The following KAT2A variants were observed in gnomAD, a reference collection of about 807,000 sequenced individuals.
The protein encoded by KAT2A is lysine acetyltransferase 2A, also known as histone acetyltransferase KAT2A.
KAT2A carries 42 observed loss-of-function variants against 95.2 expected under a neutral mutation model. The observed-to-expected ratio is 0.44, with a 90% CI of 0.34 to 0.57. The LOEUF (loss-of-function observed/expected upper bound fraction) is 0.57, where lower values mean the gene tolerates loss of function less well. Among genes scored for constraint, KAT2A ranks in the 20% least tolerant of loss-of-function variants. The pLI is 0.01. For synonymous variants in KAT2A, 449 were observed against 448.2 expected, an observed-to-expected ratio of 1.00 and a Z score of -0.02; for missense variants, 784 against 1,126.3, an observed-to-expected ratio of 0.70 and a Z score of 4.35.
chr17:42,118,546 T>A (rs2054294603), intron 6 of KAT2A, 143 bp from the exon 7 acceptor site: 1 of 627,218 alleles, frequency 1.6e-6, no homozygotes, highest in Non-Finnish European at 2.9e-6. Flanking sequence ...GCCCCTGTCT[T>A]CTGGGAGCCT....
In KAT2A at chr17:42,115,839, G is replaced by C. The variant is rs782205435; in HGVS notation, c.1765-6C>G. On this transcript the variant is annotated splice_polypyrimidine_tract_variant and splice_region_variant and intron_variant, in intron 11 of 17. Transcript: ENST00000225916. ...ATCAGGTGGGTCCCATAACCCTGCG[G>C]GGGAGGGAAGCAGGACTCACCAGGA... 2 of 1,559,222 alleles carry C rather than the reference G, an allele frequency of 1.3e-6. No individual in the cohort carries two copies. Among genetic ancestry groups the C allele is most frequent in the East Asian group, 4.5e-5 (2 of 44,634 alleles).
At position 42,114,097 on chromosome 17, in the gene KAT2A, G is replaced by C; in HGVS notation, c.2236-13C>G. 6.4e-7 allele frequency: 1 copy of C among 1,554,302 alleles called. No individual in the cohort carries two copies. Among genetic ancestry groups the C allele is most frequent in the South Asian group, 1.2e-5 (1 of 83,982 alleles). On this transcript the variant is annotated splice_polypyrimidine_tract_variant and intron_variant, in intron 16 of 17. Transcript: ENST00000225916. The surrounding 1 kb of genome is among the most constrained non-coding windows in gnomAD (Gnocchi z 6.0). ...CACTGGGGTGAGACTGGAGAGAAGA[G>C]CCGGGCTGGGGACAGCCCTGCTGCG...
Position 42,120,010 on chromosome 17 carries a change from C to G in KAT2A, c.699+20G>C, listed in dbSNP as rs782683610. 6.3e-7 allele frequency: 1 copy of G among 1,599,148 alleles called. No homozygotes were observed. The highest frequency in any genetic ancestry group is 1.3e-5 in the African/African-American group (1 of 74,734). On this transcript the variant is annotated intron_variant, in intron 4 of 17. Coordinates refer to ENST00000225916, the MANE Select transcript of KAT2A (RefSeq NM_021078.3). ...TGTCCCCAATTCTCCTATCCGCTAT[C>G]TCCAATTCCCCTATCTCACCTGCTC...
Position 42,114,263 on chromosome 17 carries a change from C to A in KAT2A, c.2191G>T (p.Asp731Tyr). 6.3e-7 allele frequency: 1 copy of A among 1,595,212 alleles called. No individual in the cohort carries two copies. The highest frequency in any genetic ancestry group is 8.6e-7 in the Non-Finnish European group (1 of 1,169,446). ...KEKGKELKDP[D>Y]QLYTTLKNLL... ...TTTTTGAGGGTTGTGTAGAGCTGGT[C>A]GGGGTCCTTCAGCTCCTTCCTGGGG... The change falls in exon 16 of 18, where the codon GAC becomes TAC. Residue 731 changes from aspartate (D) to tyrosine (Y), a missense_variant. Asp to Tyr is a radical substitution (Grantham distance 160, BLOSUM62 -3). Coordinates refer to ENST00000225916, the MANE Select transcript of KAT2A (RefSeq NM_021078.3). The surrounding 1 kb of genome is among the most constrained non-coding windows in gnomAD (Gnocchi z 6.0).
rs782669424 is a variant in KAT2A, at chr17:42,114,236, G to A, written c.2218C>T (p.Leu740=). 8 of 1,598,638 alleles carry A rather than the reference G, an allele frequency of 5.0e-6. No homozygotes were observed. The highest frequency in any genetic ancestry group is 1.1e-5 in the South Asian group (1 of 89,984). The change falls in exon 16 of 18, where the codon CTG becomes TTG. Residue 740 remains leucine (L), a synonymous_variant. Coordinates refer to ENST00000225916, the MANE Select transcript of KAT2A (RefSeq NM_021078.3). This position sits in a 1 kb window ranked among gnomAD's most constrained non-coding sequence, Gnocchi z 6.0. ...CTCCCCACCTTGATTTGGGCCAGCA[G>A]GTTTTTGAGGGTTGTGTAGAGCTGG... is the stretch of plus-strand genomic sequence containing the variant. ...PDQLYTTLKN[L]LAQIKSHPSA... is the part of the protein sequence containing the mutation.
chr17:42,118,147 G>A (rs903981063), intron 7 of KAT2A, 130 bp from the exon 8 acceptor site: 4 of 735,488 alleles, frequency 5.4e-6, no homozygotes, highest in Middle Eastern at 3.2e-4. Context: ...AGGAGAGAGA[G>A]AGAGAAGGCA....
At position 42,121,314 on chromosome 17, in the gene KAT2A, C is replaced by A. The variant is rs575284698; in HGVS notation, c.-10G>T. The A allele has an allele frequency of 2.1e-5, 28 of 1,365,326 alleles. No homozygotes were observed. The East Asian group carries it at 5.7e-4, about 28-fold the overall frequency. 84.6% of individuals were successfully genotyped at this position (1,365,326 alleles called of 1,614,324 possible). ...GGGAAGGTTCCGCCATGGCCTCCCC[C>A]GCAGCGGAGAGCGGCGCCGCGCTCC... On this transcript the variant is annotated 5_prime_UTR_variant, in exon 1 of 18. Transcript: ENST00000225916.
chr17:42,115,892 G>A, intron 11 of KAT2A, 59 bp from the exon 12 acceptor site: 1 of 955,534 alleles, frequency 1.0e-6, no homozygotes, highest in East Asian at 2.4e-5. Context: ...TGCTGGAGAG[G>A]TCTCAGAGAC....
Position 42,119,114 on chromosome 17 carries a change from A to G in KAT2A, c.1073+131T>C. 6 of 1,501,276 alleles carry G rather than the reference A, an allele frequency of 4.0e-6. No individual in the cohort carries two copies. In the South Asian group the frequency reaches 8.3e-5, roughly 21 times the overall value. 93.0% of individuals were successfully genotyped at this position (1,501,276 alleles called of 1,614,324 possible). On this transcript the variant is annotated intron_variant, in intron 6 of 17. Transcript: ENST00000225916. This position sits in a 1 kb window ranked among gnomAD's most constrained non-coding sequence, Gnocchi z 5.3. ...TGGGCCATGGGCAAGTCTGCCAGGTAGACGCCCAGATCCCAAAAGGCCCAT... is the reference window on the plus strand; with the variant it reads ...TGGGCCATGGGCAAGTCTGCCAGGTGGACGCCCAGATCCCAAAAGGCCCAT...
At chr17:42,118,041 G>A in intron 7 of KAT2A, 24 bp from the exon 8 acceptor site, 1 of 1,346,988 alleles carries the variant, frequency 7.4e-7, no homozygotes, top group Non-Finnish European at 1.0e-6. Context: ...GAGACGTCAG[G>A]GATGGGGGGC....
Position 42,113,544 on chromosome 17 carries a change from T to G in KAT2A, c.*105A>C. The G allele has an allele frequency of 9.3e-7, 1 of 1,077,358 alleles. No individual in the cohort carries two copies. Among genetic ancestry groups the G allele is most frequent in the South Asian group, 1.5e-5 (1 of 67,954 alleles). The allele number at this position is 1,077,358 out of a possible 1,614,324, so 66.7% of individuals were successfully genotyped here. ...GGGTCCGGAGGACCCTTGGCTGGAG[T>G]GTCTCAAGCTGAGTCGGGTCCGTGG... is the stretch of plus-strand genomic sequence containing the variant. On this transcript the variant is annotated 3_prime_UTR_variant, in exon 18 of 18. Coordinates refer to ENST00000225916, the MANE Select transcript of KAT2A (RefSeq NM_021078.3).
intron 7 of KAT2A, 72 bp downstream of exon 7, chr17:42,118,225 C>T (rs962469305): frequency 4.1e-6 from 5 of 1,232,182 alleles, no homozygotes; most frequent in Non-Finnish European, 5.9e-6. Flanking sequence ...CCCAGGTGAG[C>T]TCTCTTCCAC....
Position 42,117,832 on chromosome 17 carries a change from A to G in KAT2A, c.1292-18T>C. 1.9e-6 allele frequency: 3 copies of G among 1,612,642 alleles called. No individual in the cohort carries two copies. The highest frequency in any genetic ancestry group is 2.5e-6 in the Non-Finnish European group (3 of 1,179,008). On this transcript the variant is annotated intron_variant, in intron 8 of 17. Coordinates refer to ENST00000225916, the MANE Select transcript of KAT2A (RefSeq NM_021078.3). This position sits in a 1 kb window ranked among gnomAD's most constrained non-coding sequence, Gnocchi z 8.9. ...CTTCTCGCCTATTGGGGAGGCAGGC[A>G]AGGTTGCTCAGGATCAGTAAAAAAG...
intron 12 of KAT2A, 117 bp from the exon 13 acceptor site, chr17:42,115,152 A>ACCT (rs2054237625): frequency 9.5e-7 from 1 of 1,057,554 alleles, no homozygotes; most frequent in Non-Finnish European, 1.4e-6. Flanking sequence ...CTGCTCCTGA[A>ACCT]CCTCCTCCTG....
rs782372822 is a variant in KAT2A, at chr17:42,117,166, G to C, written c.1638-5C>G. The C allele has an allele frequency of 4.3e-6, 7 of 1,613,866 alleles. No individual in the cohort carries two copies. Among genetic ancestry groups the C allele is most frequent in the Non-Finnish European group, 5.9e-6 (7 of 1,179,998 alleles). On this transcript the variant is annotated splice_region_variant and splice_polypyrimidine_tract_variant and intron_variant, in intron 10 of 17. Coordinates refer to ENST00000225916, the MANE Select transcript of KAT2A (RefSeq NM_021078.3). The surrounding 1 kb of genome is among the most constrained non-coding windows in gnomAD (Gnocchi z 8.9). ...AAGGCCAGAGTCTTGTGCTTCCTAA[G>C]AGAGAGGGGGGCATGTCATAGCCCC...
chr17:42,121,153 G>T lies in KAT2A; in HGVS notation c.152C>A (p.Ala51Asp). 6.8e-7 allele frequency: 1 copy of T among 1,468,648 alleles called. No individual in the cohort carries two copies. 91.0% of individuals were successfully genotyped at this position (1,468,648 alleles called of 1,614,324 possible). Reference sequence around the variant, plus strand: ...CCCTGTGCTGCCGGCTGGGGCTGCAGCTGGGGCAGGGGCTGGTGCCGGGGT... The same window carrying T: ...CCCTGTGCTGCCGGCTGGGGCTGCATCTGGGGCAGGGGCTGGTGCCGGGGT... ...TPTPAPAPAP[A>D]AAPAGSTGTG... Residue 51 changes from alanine to aspartate, a missense_variant, in exon 1 of 18, where the codon GCT becomes GAT. This residue lies in a region of KAT2A where 142 missense variants were observed against 123.2 expected (regional missense o/e 1.15). Transcript: ENST00000225916.
intron 12 of KAT2A, among the ~76,000 whole-genome samples, chr17:42,115,269 C>T (rs1170475260): frequency 7.0e-6 from 1 of 141,964 alleles, no homozygotes; most frequent in Non-Finnish European, 1.5e-5. Context: ...TCTACTGGCC[C>T]CCCAGTTCCT....
At position 42,121,119 on chromosome 17, in the gene KAT2A, C is replaced by T. The variant is rs1555667267; in HGVS notation, c.186G>A (p.Gly62=). The change falls in exon 1 of 18, where the codon GGG becomes GGA. Residue 62 remains glycine (G), a synonymous_variant. Transcript: ENST00000225916. ...AAPAGSTGTG[G]PGVGSGGAGS... ...CGGCCCCCCCACTTCCTACCCCGGGCCCCCCAGTCCCTGTGCTGCCGGCTG... is the reference window on the plus strand; with the variant it reads ...CGGCCCCCCCACTTCCTACCCCGGGTCCCCCAGTCCCTGTGCTGCCGGCTG... 4.6e-6 allele frequency: 7 copies of T among 1,506,970 alleles called. No homozygotes were observed. The highest frequency in any genetic ancestry group is 2.0e-5 in the Admixed American group (1 of 49,790). 93.3% of individuals were successfully genotyped at this position (1,506,970 alleles called of 1,614,324 possible). A position where few individuals can be genotyped will look rare whatever the true frequency, so the allele number is the denominator to read the frequency against.
At position 42,117,778 on chromosome 17, in the gene KAT2A, T is replaced by C. The variant is rs1555666346; in HGVS notation, c.1328A>G (p.Glu443Gly). 6.2e-7 allele frequency: 1 copy of C among 1,614,016 alleles called. No individual in the cohort carries two copies. The highest frequency in any genetic ancestry group is 1.7e-5 in the Admixed American group (1 of 60,036). Residue 443 changes from glutamate to glycine, a missense_variant, in exon 9 of 18, where the codon GAG becomes GGG. Around this residue, in one of 6 missense-constraint regions of KAT2A, gnomAD observed 174 missense variants for 324.9 expected, o/e 0.54. Coordinates refer to ENST00000225916, the MANE Select transcript of KAT2A (RefSeq NM_021078.3). This position sits in a 1 kb window ranked among gnomAD's most constrained non-coding sequence, Gnocchi z 8.9. ...CATCACACGGAGCCGCTTGGCATCCTCCAGGGTCAGGTTCTCTGGGAGCGT... is the reference window on the plus strand; with the variant it reads ...CATCACACGGAGCCGCTTGGCATCCCCCAGGGTCAGGTTCTCTGGGAGCGT... ...KRTLPENLTLEDAKRLRVMGD... is the reference protein window; with the variant it reads ...KRTLPENLTLGDAKRLRVMGD...
Sources: allele counts gnomAD v4.1 joint callset (sites outside exome capture counted in the v4.1 genomes callset), GRCh38; gene constraint gnomAD v4.1.1; regional missense constraint gnomAD v4.1.1; non-coding constraint Gnocchi (gnomAD v3.1); transcripts MANE v1.5; gene names NCBI Gene and HGNC (gene_info 2026-07-23, HGNC 2026-07-21).